Variants in ZDHHC21 observed in about 807,000 individuals in gnomAD.
The protein encoded by ZDHHC21 is zDHHC palmitoyltransferase 21.
A neutral mutation model predicts 34.6 loss-of-function variants in ZDHHC21; 15 were observed. The observed-to-expected ratio is 0.43, with a 90% CI of 0.29 to 0.67. The LOEUF (loss-of-function observed/expected upper bound fraction) is 0.67. Among genes scored for constraint, ZDHHC21 ranks in the 30% least tolerant of loss-of-function variants. ZDHHC21 has a pLI of 0.14. For synonymous variants in ZDHHC21, 142 were observed against 101.8 expected (o/e 1.40, Z -2.38); for missense variants, 344 against 327.7 (o/e 1.05, Z -0.38).
chr9:14,631,982 C>T (rs1465145223), intron 8 of ZDHHC21, among the ~76,000 whole-genome samples: 1 of 151,878 alleles, frequency 6.6e-6, no homozygotes, highest in African/African-American at 2.4e-5. Context: ...AACAGGTAAG[C>T]ACACACTGTT....
At chr9:14,603,143 T>C in the ZDHHC21 span, among the ~76,000 whole-genome samples, 1 of 152,144 alleles carries the variant, frequency 6.6e-6, no homozygotes, top group Non-Finnish European at 1.5e-5. Context: ...TACATATTTC[T>C]AAAAACTCAC....
chr9:14,621,323 G>T (rs1825268204), intron 8 of ZDHHC21, among the ~76,000 whole-genome samples: 1 of 151,766 alleles, frequency 6.6e-6, no homozygotes, highest in Admixed American at 6.6e-5. Flanking sequence ...TAAGATTAAG[G>T]GCAATTTTTA....
intron 8 of ZDHHC21, among the ~76,000 whole-genome samples, chr9:14,627,232 A>G (rs1826431597): frequency 6.6e-6 from 1 of 152,152 alleles, no homozygotes; most frequent in Non-Finnish European, 1.5e-5. Flanking sequence ...AGTCTCCTTT[A>G]AACTGATTTC....
intron 5 of ZDHHC21, among the ~76,000 whole-genome samples, chr9:14,666,364 C>G (rs1239261827): frequency 1.5e-5 from 2 of 131,256 alleles, no homozygotes; most frequent in Non-Finnish European, 3.4e-5. Context: ...CCTGAGTGAC[C>G]TACAAAGAGA....
chr9:14,607,552 G>A (rs533800214), downstream of ZDHHC21, among the ~76,000 whole-genome samples: 2 of 151,786 alleles, frequency 1.3e-5, no homozygotes, highest in South Asian at 2.1e-4. Flanking sequence ...GGGGAGGAGG[G>A]TGGGAGTGAA....
chr9:14,622,702 C>T, intron 8 of ZDHHC21: 1 of 985,270 alleles, frequency 1.0e-6, no homozygotes, highest in African/African-American at 1.7e-5. Flanking sequence ...CTGACAATCG[C>T]ACATAAAGGA....
chr9:14,592,242 G>C, the ZDHHC21 span, among the ~76,000 whole-genome samples: 1 of 151,966 alleles, frequency 6.6e-6, no homozygotes, highest in Non-Finnish European at 1.5e-5. Flanking sequence ...CAATTAGAAT[G>C]TCCATTGTAA....
At chr9:14,595,950 A>C in the ZDHHC21 span, among the ~76,000 whole-genome samples, 1 of 152,340 alleles carries the variant, frequency 6.6e-6, no homozygotes, top group East Asian at 1.9e-4. Context: ...GACACGGAGC[A>C]ACTGGAACAC....
chr9:14,620,389 G>C (rs1001433517), intron 8 of ZDHHC21, among the ~76,000 whole-genome samples: 2 of 151,886 alleles, frequency 1.3e-5, no homozygotes, highest in Non-Finnish European at 2.9e-5. Context: ...ATAAGCAATA[G>C]CCAAATAATC....
At chr9:14,594,997 G>T in the ZDHHC21 span, among the ~76,000 whole-genome samples, 1 of 152,040 alleles carries the variant, frequency 6.6e-6, no homozygotes, top group Non-Finnish European at 1.5e-5. Flanking sequence ...TATTAACTTG[G>T]ATGGCTATAA....
chr9:14,684,997 C>G (rs1461066925), intron 2 of ZDHHC21, among the ~76,000 whole-genome samples: 1 of 152,158 alleles, frequency 6.6e-6, no homozygotes. Context: ...ACTGGATAGC[C>G]ATATGTAGAA....
At position 14,684,362 on chromosome 9, in the gene ZDHHC21, T is replaced by C. The variant is rs1256548218; in HGVS notation, c.-175-4200A>G. Among the ~76,000 whole-genome samples, 6 of 151,378 alleles carry C rather than the reference T, an allele frequency of 4.0e-5. No homozygotes were observed. The East Asian group carries it at 9.7e-4, about 24-fold the overall frequency. ...AAGCAACTTCAGCAAAGTCTCAGGATACAAAATCAATGTGCAAAAATCACA... is the reference window on the plus strand; with the variant it reads ...AAGCAACTTCAGCAAAGTCTCAGGACACAAAATCAATGTGCAAAAATCACA... On this transcript the variant is annotated intron_variant, in intron 2 of 9. Coordinates refer to ENST00000380916, the MANE Select transcript of ZDHHC21 (RefSeq NM_178566.6).
chr9:14,684,453 T>C lies in ZDHHC21; in HGVS notation c.-175-4291A>G, dbSNP rs548025485. On this transcript the variant is annotated intron_variant, in intron 2 of 9. Transcript: ENST00000380916. ...ATCATGAGTGAACTCCCATTCACAATTGCCTCAAAGAGAATAAAATACCTA... is the reference window on the plus strand; with the variant it reads ...ATCATGAGTGAACTCCCATTCACAACTGCCTCAAAGAGAATAAAATACCTA... 1.9e-3 allele frequency among the ~76,000 whole-genome samples: 277 copies of C among 145,024 alleles called. 1 individual carries two copies. Among genetic ancestry groups the C allele is most frequent in the African/African-American group, 6.7e-3 (267 of 39,580 alleles).
intron 5 of ZDHHC21, among the ~76,000 whole-genome samples, chr9:14,668,508 G>T (rs1834892847): frequency 8.1e-6 from 1 of 123,458 alleles, no homozygotes; most frequent in Admixed American, 8.3e-5. Context: ...CTACTTTAAA[G>T]TTCATATGGA....
At chr9:14,592,096 CTG>C in the ZDHHC21 span, among the ~76,000 whole-genome samples, 3 of 151,970 alleles carry the variant, frequency 2.0e-5, no homozygotes, top group African/African-American at 7.2e-5. Flanking sequence ...ATTAGTTTTT[CTG>C]TGTCTTATAT....
At chr9:14,688,957 T>C (rs945670450) in intron 2 of ZDHHC21, among the ~76,000 whole-genome samples, 1 of 151,904 alleles carries the variant, frequency 6.6e-6, no homozygotes, top group African/African-American at 2.4e-5. Context: ...AGTGGGAGGA[T>C]CGCTTAAGCC....
At chr9:14,633,431 G>T (rs573187447) in intron 8 of ZDHHC21, among the ~76,000 whole-genome samples, 2 of 152,214 alleles carry the variant, frequency 1.3e-5, no homozygotes, top group African/African-American at 4.8e-5. Flanking sequence ...CAAGTCTCAA[G>T]ACTAATGGGA....
intron 8 of ZDHHC21, among the ~76,000 whole-genome samples, chr9:14,636,930 T>A (rs1828404463): frequency 6.6e-6 from 1 of 151,980 alleles, no homozygotes; most frequent in Non-Finnish European, 1.5e-5. Flanking sequence ...TTTACAGTAA[T>A]AAATGCCTAT....
intron 7 of ZDHHC21, among the ~76,000 whole-genome samples, chr9:14,648,506 GTTCC>G (rs1248036207): frequency 6.6e-6 from 1 of 152,028 alleles, no homozygotes; most frequent in African/African-American, 2.4e-5. Context: ...TCTCCCTACT[GTTCC>G]TTGAGAATGT....
Sources: gnomAD v4.1 joint callset for allele counts (sites outside exome capture counted in the v4.1 genomes callset) on GRCh38, gnomAD v4.1.1 for gene constraint, MANE v1.5 for transcripts, NCBI Gene and HGNC (gene_info 2026-07-23, HGNC 2026-07-21) for gene names.